SH3RF3: variants seen among roughly 807,000 people sequenced by gnomAD.
SH3RF3 encodes SH3 domain containing ring finger 3, also known as E3 ubiquitin-protein ligase SH3RF3.
A neutral mutation model predicts 66.3 loss-of-function variants in SH3RF3; 29 were observed. The observed-to-expected ratio is 0.44, with a 90% CI of 0.33 to 0.60. The LOEUF (loss-of-function observed/expected upper bound fraction) is 0.60, where lower values mean the gene tolerates loss of function less well. Ranked by LOEUF, SH3RF3 falls within the 20% of genes least tolerant of loss-of-function variation. SH3RF3 has a pLI of 0.04. For synonymous variants in SH3RF3, 583 were observed against 532.0 expected, an observed-to-expected ratio of 1.10 and a Z score of -1.32; for missense variants, 1,194 against 1,190.9, an observed-to-expected ratio of 1.00 and a Z score of -0.04.
At chr2:109,275,451 G>A (rs1424332600) in intron 1 of SH3RF3, among the ~76,000 whole-genome samples, 1 of 152,232 alleles carries the variant, frequency 6.6e-6, no homozygotes, top group Non-Finnish European at 1.5e-5. Context: ...GAAGTCTGCT[G>A]TAGGCCAAGG....
chr2:109,332,194 A>G (rs917906327), intron 1 of SH3RF3, among the ~76,000 whole-genome samples: 2 of 152,134 alleles, frequency 1.3e-5, no homozygotes, highest in Middle Eastern at 3.2e-3. Context: ...GCCCTCTGCA[A>G]GCTGCCTCAT....
chr2:109,206,601 A>T (rs1574504140), intron 1 of SH3RF3, among the ~76,000 whole-genome samples: 2 of 150,560 alleles, frequency 1.3e-5, no homozygotes, highest in African/African-American at 2.4e-5. Context: ...TTGAGGCTGG[A>T]GTTCAAGACC....
chr2:109,447,200 A>G (rs1573258968), intron 7 of SH3RF3, among the ~76,000 whole-genome samples: 1 of 151,858 alleles, frequency 6.6e-6, no homozygotes, highest in Middle Eastern at 3.2e-3. Flanking sequence ...ACAGAAAAAA[A>G]AAACCCACAT....
chr2:109,452,804 T>C (rs1193823509), intron 8 of SH3RF3, among the ~76,000 whole-genome samples: 8 of 140,062 alleles, frequency 5.7e-5, no homozygotes, highest in South Asian at 4.7e-4. Flanking sequence ...AGGCTGGTGC[T>C]GGGAGGCTGG....
At chr2:109,372,064 A>G (rs1476623721) in intron 3 of SH3RF3, among the ~76,000 whole-genome samples, 1 of 152,208 alleles carries the variant, frequency 6.6e-6, no homozygotes, top group Admixed American at 6.5e-5. Context: ...ACCCGTCCCA[A>G]GGCAGCATTT....
intron 8 of SH3RF3, among the ~76,000 whole-genome samples, chr2:109,482,941 G>T (rs553110141): frequency 6.6e-6 from 1 of 152,210 alleles, no homozygotes; most frequent in Non-Finnish European, 1.5e-5. Context: ...CAGCATTTTT[G>T]AAGATGCATG....
At position 109,382,969 on chromosome 2, in the gene SH3RF3, A is replaced by G. The variant is rs79243332; in HGVS notation, c.945+11288A>G. Reference sequence around the variant, plus strand: ...GCTCACTTCTTTCCTGAGTGTTCCAATCACAACACTCAGGACTTGAGAGTG... The same window carrying G: ...GCTCACTTCTTTCCTGAGTGTTCCAGTCACAACACTCAGGACTTGAGAGTG... On this transcript the variant is annotated intron_variant, in intron 3 of 9. Coordinates refer to ENST00000309415, the MANE Select transcript of SH3RF3 (RefSeq NM_001099289.3). Among the ~76,000 whole-genome samples, 38 of 152,322 alleles carry G rather than the reference A, an allele frequency of 2.5e-4. No homozygotes were observed. The South Asian group carries it at 4.1e-3, about 17-fold the overall frequency.
intron 1 of SH3RF3, among the ~76,000 whole-genome samples, chr2:109,279,939 G>C (rs1479451251): frequency 1.3e-5 from 2 of 152,024 alleles, no homozygotes; most frequent in African/African-American, 4.8e-5. Context: ...GTAAGAGGTG[G>C]AGGGTGAGGG....
At chr2:109,249,693 G>T (rs867276323) in intron 1 of SH3RF3, among the ~76,000 whole-genome samples, 1 of 147,876 alleles carries the variant, frequency 6.8e-6, no homozygotes, top group Non-Finnish European at 1.5e-5. Context: ...TGTCATCAAG[G>T]CTGGAGTACA....
intron 8 of SH3RF3, among the ~76,000 whole-genome samples, chr2:109,484,302 G>A (rs1406999957): frequency 2.0e-5 from 3 of 152,016 alleles, no homozygotes; most frequent in African/African-American, 7.2e-5. Context: ...CCTGACCTGA[G>A]GTGATCCGTC....
intron 1 of SH3RF3, among the ~76,000 whole-genome samples, chr2:109,161,272 G>A (rs574694612): frequency 6.6e-6 from 1 of 152,288 alleles, no homozygotes; most frequent in East Asian, 1.9e-4. Flanking sequence ...GTTGAGTTTA[G>A]TTCAGGGTGC....
intron 8 of SH3RF3, among the ~76,000 whole-genome samples, chr2:109,450,000 T>C (rs1677821540): frequency 6.6e-6 from 1 of 152,200 alleles, no homozygotes; most frequent in Admixed American, 6.5e-5. Flanking sequence ...GCTGACCTGA[T>C]GGCTGGTGTG....
chr2:109,248,423 T>A (rs1047247033), intron 1 of SH3RF3, among the ~76,000 whole-genome samples: 1 of 152,236 alleles, frequency 6.6e-6, no homozygotes, highest in African/African-American at 2.4e-5. Flanking sequence ...TTTGGTAGGA[T>A]AATTAAGAAG....
intron 9 of SH3RF3, among the ~76,000 whole-genome samples, chr2:109,499,212 C>G (rs12232952): frequency 0.38 from 57,500 of 151,892 alleles, 11,197 homozygotes; most frequent in Admixed American, 0.53. Context: ...GGGGCCGTGT[C>G]TCCTAGACAG....
chr2:109,490,096 C>G (rs745372116), intron 8 of SH3RF3, among the ~76,000 whole-genome samples: 2 of 152,232 alleles, frequency 1.3e-5, no homozygotes, highest in Non-Finnish European at 2.9e-5. Context: ...ACAAGGTTAT[C>G]TTTAAAGTTT....
Position 109,204,662 on chromosome 2 carries a change from G to T in SH3RF3, c.573+74549G>T, listed in dbSNP as rs534179122. Among the ~76,000 whole-genome samples, 11 of 152,312 alleles carry T rather than the reference G, an allele frequency of 7.2e-5. 1 individual carries two copies. The South Asian group carries it at 2.1e-3, about 29-fold the overall frequency. On this transcript the variant is annotated intron_variant, in intron 1 of 9. Transcript: ENST00000309415. Reference sequence around the variant, plus strand: ...ACCCACACATTGCCAGGGACCTGCTGGCAGGCAGGATGCCCCATTGGAGAA... The same window carrying T: ...ACCCACACATTGCCAGGGACCTGCTTGCAGGCAGGATGCCCCATTGGAGAA...
intron 1 of SH3RF3, among the ~76,000 whole-genome samples, chr2:109,250,681 T>C (rs1421854759): frequency 1.3e-5 from 2 of 151,942 alleles, no homozygotes; most frequent in Admixed American, 6.6e-5. Flanking sequence ...GGAAAACATA[T>C]TTATATCAAA....
At chr2:109,209,012 T>C (rs1333599695) in intron 1 of SH3RF3, among the ~76,000 whole-genome samples, 1 of 152,210 alleles carries the variant, frequency 6.6e-6, no homozygotes, top group Non-Finnish European at 1.5e-5. Flanking sequence ...CACGGACATA[T>C]GGACCCAGAG....
At chr2:109,238,452 TGTGTG>T (rs1679700025) in intron 1 of SH3RF3, among the ~76,000 whole-genome samples, 1 of 956 alleles carries the variant, frequency 1.0e-3, no homozygotes, top group Admixed American at 0.014. Flanking sequence ...TGTATATTTG[TGTGTG>T]TGTGTGTGTG....
Sources: gnomAD v4.1 joint callset for allele counts (sites outside exome capture counted in the v4.1 genomes callset) on GRCh38, gnomAD v4.1.1 for gene constraint, MANE v1.5 for transcripts, NCBI Gene and HGNC (gene_info 2026-07-23, HGNC 2026-07-21) for gene names.